Variants in BMPR1B observed in about 807,000 individuals in gnomAD.
The protein encoded by BMPR1B is bone morphogenetic protein receptor type-1B.
A neutral mutation model predicts 59.1 loss-of-function variants in BMPR1B; 12 were observed. That is an observed-to-expected ratio of 0.20 (90% CI 0.13 to 0.33). The LOEUF (loss-of-function observed/expected upper bound fraction) is 0.33. Ranked by LOEUF, BMPR1B falls within the 10% of genes least tolerant of loss-of-function variation. The probability of loss-of-function intolerance (pLI) is 1.00; values close to 1 mark genes in which losing one functional copy is unlikely to be tolerated. For synonymous variants in BMPR1B, 237 were observed against 207.3 expected (o/e 1.14, Z -1.23); for missense variants, 550 against 610.9 (o/e 0.90, Z 1.05).
intron 2 of BMPR1B, among the ~76,000 whole-genome samples, chr4:94,939,777 A>G (rs1209971410): frequency 1.3e-5 from 2 of 152,188 alleles, no homozygotes; most frequent in African/African-American, 2.4e-5. Flanking sequence ...TGATTTGATT[A>G]TGATTCAGAT....
chr4:95,099,587 C>G (rs1184004923), intron 3 of BMPR1B, among the ~76,000 whole-genome samples: 2 of 152,184 alleles, frequency 1.3e-5, no homozygotes, highest in Non-Finnish European at 2.9e-5. Context: ...ATACATCTCT[C>G]TCTGTTTCAC....
At chr4:95,074,225 C>G (rs1728534807) in intron 3 of BMPR1B, among the ~76,000 whole-genome samples, 1 of 151,950 alleles carries the variant, frequency 6.6e-6, no homozygotes, top group African/African-American at 2.4e-5. Flanking sequence ...AGCTCTGTGA[C>G]TTTGAGCAAG....
intron 3 of BMPR1B, among the ~76,000 whole-genome samples, chr4:95,064,330 G>A (rs934388826): frequency 2.0e-5 from 3 of 152,194 alleles, no homozygotes; most frequent in Non-Finnish European, 2.9e-5. Context: ...TATCGCCTGA[G>A]TTGTGCCTCC....
intron 1 of BMPR1B, among the ~76,000 whole-genome samples, chr4:94,805,737 A>G (rs537028270): frequency 5.5e-4 from 83 of 152,248 alleles, no homozygotes; most frequent in African/African-American, 1.9e-3. Flanking sequence ...GTGAATGTAG[A>G]TGGAGATTCT....
intron 10 of BMPR1B, among the ~76,000 whole-genome samples, chr4:95,137,669 T>C (rs1249093000): frequency 1.3e-5 from 2 of 152,114 alleles, no homozygotes; most frequent in African/African-American, 4.8e-5. Context: ...AATGGCCTTC[T>C]TTGTCTCTTT....
chr4:94,984,608 A>G (rs1721289446), intron 2 of BMPR1B, among the ~76,000 whole-genome samples: 1 of 152,236 alleles, frequency 6.6e-6, no homozygotes, highest in African/African-American at 2.4e-5. Context: ...TCAAAAGGAC[A>G]GTCATACAGT....
intron 1 of BMPR1B, among the ~76,000 whole-genome samples, chr4:94,858,623 A>T (rs1725861798): frequency 6.6e-6 from 1 of 152,208 alleles, no homozygotes; most frequent in Non-Finnish European, 1.5e-5. Context: ...CTTGAGTCTA[A>T]GAAGAGTGAA....
intron 2 of BMPR1B, among the ~76,000 whole-genome samples, chr4:94,944,384 C>T (rs578186925): frequency 1.3e-4 from 20 of 152,106 alleles, no homozygotes; most frequent in African/African-American, 4.1e-4. Flanking sequence ...GCTTCTGATC[C>T]GGGATGAAAC....
At chr4:94,966,038 C>T (rs895906115) in intron 2 of BMPR1B, among the ~76,000 whole-genome samples, 1 of 152,168 alleles carries the variant, frequency 6.6e-6, no homozygotes, top group Non-Finnish European at 1.5e-5. Flanking sequence ...AATCTTGCAA[C>T]ACAGAGCTGT....
intron 1 of BMPR1B, among the ~76,000 whole-genome samples, chr4:94,831,237 A>ACAACGACAACAACAACAAC (rs200801784): frequency 7.5e-5 from 11 of 146,838 alleles, no homozygotes; most frequent in Non-Finnish European, 9.3e-5. Flanking sequence ...AAAAAGTAAA[A>ACAACGACAACAACAACAAC]AAAAAAAAAA....
At chr4:95,106,359 G>A (rs1358285521) in intron 4 of BMPR1B, among the ~76,000 whole-genome samples, 1 of 151,994 alleles carries the variant, frequency 6.6e-6, no homozygotes, top group Non-Finnish European at 1.5e-5. Flanking sequence ...AGACAGAAGT[G>A]AATTCAAGAA....
rs145383065 is a variant in BMPR1B, at chr4:94,796,115, G to A, written c.-183+38047G>A. 5.5e-3 allele frequency among the ~76,000 whole-genome samples: 840 copies of A among 151,654 alleles called. 5 individuals are homozygous for A. The highest frequency in any genetic ancestry group is 0.019 in the African/African-American group (780 of 41,344). ...GAGTAGCTGGGATTACAGGTATGCC[G>A]CACCATGCCCAGCTACTTTTTGTAT... On this transcript the variant is annotated intron_variant, in intron 1 of 12. Transcript: ENST00000515059.
At chr4:95,052,607 G>C (rs993026655) in intron 3 of BMPR1B, among the ~76,000 whole-genome samples, 2 of 151,998 alleles carry the variant, frequency 1.3e-5, no homozygotes, top group African/African-American at 2.4e-5. Flanking sequence ...GAACTAACTT[G>C]GCTGTACTGT....
chr4:94,853,942 G>T (rs927375749), intron 1 of BMPR1B, among the ~76,000 whole-genome samples: 19 of 152,180 alleles, frequency 1.2e-4, no homozygotes, highest in African/African-American at 4.3e-4. Flanking sequence ...AAATTTCTCA[G>T]TCATTCCAGT....
intron 3 of BMPR1B, among the ~76,000 whole-genome samples, chr4:95,026,769 T>G (rs1050931944): frequency 1.5e-5 from 2 of 136,594 alleles, no homozygotes; most frequent in Non-Finnish European, 3.1e-5. Flanking sequence ...CTCCCTTCCA[T>G]TCTTATTTAT....
intron 4 of BMPR1B, among the ~76,000 whole-genome samples, chr4:95,113,373 C>T (rs1418761432): frequency 1.3e-5 from 2 of 152,104 alleles, no homozygotes; most frequent in Non-Finnish European, 2.9e-5. Context: ...TTTTGGACCA[C>T]TTGAGGCTTA....
At chr4:94,986,286 CTGTTCT>C (rs1721401148) in intron 2 of BMPR1B, among the ~76,000 whole-genome samples, 1 of 152,132 alleles carries the variant, frequency 6.6e-6, no homozygotes, top group Non-Finnish European at 1.5e-5. Context: ...AATTGCACCT[CTGTTCT>C]TGCTCAGTCT....
chr4:95,049,449 T>G (rs1726291082), intron 3 of BMPR1B, among the ~76,000 whole-genome samples: 1 of 35,076 alleles, frequency 2.9e-5, no homozygotes, highest in African/African-American at 6.7e-5. Context: ...TTTTTTTTTT[T>G]TTTTTTTTTT....
chr4:94,894,690 A>G (rs543836722), intron 2 of BMPR1B, among the ~76,000 whole-genome samples: 2 of 151,512 alleles, frequency 1.3e-5, no homozygotes, highest in South Asian at 2.1e-4. Context: ...TCTTTTGATC[A>G]TTTTTCTAAA....
Sources: gnomAD v4.1 joint callset for allele counts (sites outside exome capture counted in the v4.1 genomes callset) on GRCh38, gnomAD v4.1.1 for gene constraint, MANE v1.5 for transcripts, NCBI Gene and HGNC (gene_info 2026-07-23, HGNC 2026-07-21) for gene names.